BBS9: variants seen among roughly 807,000 people sequenced by gnomAD.
BBS9 encodes protein PTHB1.
Under a neutral mutation model 117.7 loss-of-function variants are expected in BBS9, and 89 were observed. The ratio of observed to expected loss-of-function variants is 0.76; its 90% CI spans 0.64 to 0.90. BBS9 has a LOEUF of 0.90. BBS9 is among the 40% of genes least tolerant of loss of function. The pLI is 0.00. For missense variants in BBS9, 982 were observed against 1,042.2 expected, an observed-to-expected ratio of 0.94 and a Z score of 0.80; for synonymous variants, 379 against 370.9, an observed-to-expected ratio of 1.02 and a Z score of -0.25.
chr7:33,153,214 T>C (rs1357679817), intron 3 of BBS9, among the ~76,000 whole-genome samples: 1 of 152,236 alleles, frequency 6.6e-6, no homozygotes, highest in Non-Finnish European at 1.5e-5. Flanking sequence ...CATTACTTTT[T>C]GGTTCATAGC....
At chr7:33,435,183 C>G (rs991146908) in intron 19 of BBS9, among the ~76,000 whole-genome samples, 4 of 152,082 alleles carry the variant, frequency 2.6e-5, no homozygotes, top group Non-Finnish European at 4.4e-5. Context: ...TCTGTAGGTT[C>G]TGCATTGGTC....
chr7:33,344,547 A>G, intron 11 of BBS9, 34 bp from the exon 12 acceptor site: 1 of 1,605,598 alleles, frequency 6.2e-7, no homozygotes, highest in South Asian at 1.1e-5. Context: ...TATTGACATC[A>G]TTCTTTCTTG....
intron 21 of BBS9, among the ~76,000 whole-genome samples, chr7:33,595,796 A>G (rs1387789476): frequency 2.6e-5 from 4 of 152,210 alleles, no homozygotes; most frequent in African/African-American, 9.6e-5. Flanking sequence ...GATAGCCTGG[A>G]TAAAGAAAAT....
chr7:33,573,195 C>A (rs1183909449), intron 21 of BBS9, among the ~76,000 whole-genome samples: 1 of 151,960 alleles, frequency 6.6e-6, no homozygotes, highest in Non-Finnish European at 1.5e-5. Context: ...CCTTCCCAAG[C>A]TTGAAATAAG....
intron 4 of BBS9, among the ~76,000 whole-genome samples, chr7:33,169,443 C>T (rs1796187977): frequency 6.6e-6 from 1 of 151,360 alleles, no homozygotes; most frequent in African/African-American, 2.4e-5. Flanking sequence ...TAAAAGTGTT[C>T]CTATTTCTCC....
Position 33,577,873 on chromosome 7 carries a change from C to T in BBS9, c.2522-26992C>T, listed in dbSNP as rs139200677. 5.2e-3 allele frequency among the ~76,000 whole-genome samples: 794 copies of T among 152,054 alleles called. 6 individuals carry two copies. The highest frequency in any genetic ancestry group is 0.019 in the African/African-American group (773 of 41,470). ...ACAATGAGAACACTTGCACACAGGGCGGGGAACATCACACACTGGGGCCTG... is the reference window on the plus strand; with the variant it reads ...ACAATGAGAACACTTGCACACAGGGTGGGGAACATCACACACTGGGGCCTG... On this transcript the variant is annotated intron_variant, in intron 21 of 22. Transcript: ENST00000242067.
At chr7:33,139,337 C>T (rs1791086953) in intron 1 of BBS9, among the ~76,000 whole-genome samples, 1 of 151,130 alleles carries the variant, frequency 6.6e-6, no homozygotes. Flanking sequence ...TATTTGTAGA[C>T]ATTGTTGGAA....
At chr7:33,183,661 G>A (rs1411854387) in intron 5 of BBS9, among the ~76,000 whole-genome samples, 1 of 152,136 alleles carries the variant, frequency 6.6e-6, no homozygotes, top group Non-Finnish European at 1.5e-5. Flanking sequence ...GCTTGCAAAA[G>A]CTTTTAACTG....
intron 5 of BBS9, among the ~76,000 whole-genome samples, chr7:33,232,595 ATAAT>A (rs1396209213): frequency 6.6e-6 from 1 of 152,096 alleles, no homozygotes; most frequent in East Asian, 1.9e-4. Context: ...AATTGTATAA[ATAAT>A]TGTGATAACA....
intron 9 of BBS9, among the ~76,000 whole-genome samples, chr7:33,288,163 C>T (rs769926304): frequency 6.6e-6 from 1 of 152,128 alleles, no homozygotes; most frequent in Non-Finnish European, 1.5e-5. Flanking sequence ...TGCCTTATGC[C>T]GTTATGCAAC....
rs577695775 is a variant in BBS9, at chr7:33,350,784, C to T, written c.1433-435C>T. ...TTTGAGACAGAGTCTCACTCTGTTG[C>T]CTGGACTGGAGTGCAGTGGAGCAAT... is the stretch of plus-strand genomic sequence containing the variant. On this transcript the variant is annotated intron_variant, in intron 13 of 22. Coordinates refer to ENST00000242067, the MANE Select transcript of BBS9 (RefSeq NM_198428.3). Among the ~76,000 whole-genome samples, 11 of 152,278 alleles carry T rather than the reference C, an allele frequency of 7.2e-5. No homozygotes were observed. In the South Asian group the frequency reaches 2.3e-3, roughly 32 times the overall value.
In BBS9 at chr7:33,336,466, C is replaced by A. The variant is rs767992894; in HGVS notation, c.1042C>A (p.Leu348Met). 1 of 1,613,662 alleles carries A rather than the reference C, an allele frequency of 6.2e-7. No individual in the cohort carries two copies. Among genetic ancestry groups the A allele is most frequent in the African/African-American group, 1.3e-5 (1 of 74,920 alleles). The change falls in exon 10 of 23, where the codon CTG becomes ATG. Residue 348 changes from leucine to methionine, a missense_variant. Leu to Met is a conservative substitution (Grantham distance 15). Transcript: ENST00000242067. Reference protein sequence around the residue: ...LHDLKGVIVTLSDDGHLQCSY... With the variant: ...LHDLKGVIVTMSDDGHLQCSY... ...TGATTTAAAGGGAGTGATAGTCACT[C>A]TGAGTGATGATGGTCACTTGCAGTG...
intron 1 of BBS9, among the ~76,000 whole-genome samples, chr7:33,143,159 CG>C (rs1791788189): frequency 1.3e-5 from 2 of 152,090 alleles, no homozygotes; most frequent in African/African-American, 4.8e-5. Flanking sequence ...TTAGTAGAGA[CG>C]GGGTATCACT....
intron 11 of BBS9, among the ~76,000 whole-genome samples, chr7:33,343,630 C>T (rs1402530931): frequency 6.6e-6 from 1 of 152,078 alleles, no homozygotes; most frequent in Non-Finnish European, 1.5e-5. Context: ...TCCGGAGTAG[C>T]TGGGATTACA....
At chr7:33,467,558 A>AAC (rs1840359223) in intron 19 of BBS9, among the ~76,000 whole-genome samples, 1 of 75,032 alleles carries the variant, frequency 1.3e-5, no homozygotes, top group African/African-American at 7.2e-5. Context: ...GTGCTGTGGG[A>AAC]ACCCCCCAAC....
intron 21 of BBS9, among the ~76,000 whole-genome samples, chr7:33,576,717 C>G (rs1169851986): frequency 6.6e-6 from 1 of 152,066 alleles, no homozygotes; most frequent in Non-Finnish European, 1.5e-5. Flanking sequence ...AGATATAGAC[C>G]AATGGAACAG....
chr7:33,411,827 G>A (rs2128824161), intron 19 of BBS9, among the ~76,000 whole-genome samples: 1 of 152,204 alleles, frequency 6.6e-6, no homozygotes, highest in South Asian at 2.1e-4. Context: ...ACTCTGTGTA[G>A]GGGTCTTTAT....
At chr7:33,303,525 C>CG (rs1562962963) in intron 9 of BBS9, among the ~76,000 whole-genome samples, 4 of 103,200 alleles carry the variant, frequency 3.9e-5, no homozygotes, top group African/African-American at 1.6e-4. Context: ...GATCCCCTCC[C>CG]CCCGCCCCTT....
intron 19 of BBS9, among the ~76,000 whole-genome samples, chr7:33,495,810 G>A (rs141654633): frequency 6.6e-6 from 1 of 152,176 alleles, no homozygotes; most frequent in Non-Finnish European, 1.5e-5. Flanking sequence ...AACTGATTAA[G>A]TTACATGTCT....
Sources: gnomAD v4.1 joint callset for allele counts (sites outside exome capture counted in the v4.1 genomes callset) on GRCh38, gnomAD v4.1.1 for gene constraint, MANE v1.5 for transcripts, NCBI Gene and HGNC (gene_info 2026-07-23, HGNC 2026-07-21) for gene names.